TTC39B: variants seen among roughly 807,000 people sequenced by gnomAD.
TTC39B encodes the protein tetratricopeptide repeat protein 39B.
A neutral mutation model predicts 96.6 loss-of-function variants in TTC39B; 92 were observed. The observed-to-expected ratio is 0.95, with a 90% CI of 0.80 to 1.13. The LOEUF (loss-of-function observed/expected upper bound fraction) is 1.13, where lower values mean the gene tolerates loss of function less well. Among genes scored for constraint, TTC39B ranks in the 50% most tolerant of loss-of-function variants. TTC39B has a pLI of 0.00. For missense variants in TTC39B, 955 were observed against 809.3 expected (o/e 1.18, Z -2.18); for synonymous variants, 367 against 299.4 (o/e 1.23, Z -2.33).
At chr9:15,232,143 A>C (rs1821458111) in intron 2 of TTC39B, 1 of 152,514 alleles carries the variant, frequency 6.6e-6, no homozygotes, top group South Asian at 2.1e-4. Flanking sequence ...CTGAAACAAC[A>C]GAGGTCTCAT....
chr9:15,251,706 T>C (rs60655727), intron 2 of TTC39B, among the ~76,000 whole-genome samples: 966 of 68,212 alleles, frequency 0.014, 4 homozygotes, highest in South Asian at 0.046. Flanking sequence ...TATACATATA[T>C]ATATATATAT....
chr9:15,164,233 T>C (rs370822489), exon 20 of TTC39B: 12 of 152,296 alleles, frequency 7.9e-5, no homozygotes, highest in East Asian at 5.8e-4. Flanking sequence ...GAGACTAAAA[T>C]GTAATGAGAA....
intron 2 of TTC39B, among the ~76,000 whole-genome samples, chr9:15,246,198 A>G (rs1353860407): frequency 6.6e-6 from 1 of 152,206 alleles, no homozygotes; most frequent in East Asian, 1.9e-4. Context: ...GGTTGTGGTG[A>G]GCCGAGATCA....
chr9:15,277,470 C>T (rs1041967662), intron 1 of TTC39B, among the ~76,000 whole-genome samples: 2 of 152,186 alleles, frequency 1.3e-5, no homozygotes, highest in African/African-American at 2.4e-5. Context: ...CAATGCCACA[C>T]TGCTCCCTGG....
chr9:15,214,806 G>T (rs1168708116), intron 3 of TTC39B, among the ~76,000 whole-genome samples: 1 of 152,096 alleles, frequency 6.6e-6, no homozygotes, highest in Non-Finnish European at 1.5e-5. Context: ...TATGAGTCAT[G>T]ATTTTATCCT....
intron 1 of TTC39B, among the ~76,000 whole-genome samples, chr9:15,305,682 C>A (rs1018934425): frequency 6.6e-6 from 1 of 150,468 alleles, no homozygotes; most frequent in African/African-American, 2.5e-5. Context: ...CCCTCCTCAT[C>A]GGCTAATGCA....
chr9:15,230,992 A>G (rs1273977961), intron 2 of TTC39B, among the ~76,000 whole-genome samples: 1 of 151,748 alleles, frequency 6.6e-6, no homozygotes, highest in Non-Finnish European at 1.5e-5. Flanking sequence ...CTCAGAAAAA[A>G]AAAAAAACAA....
chr9:15,192,974 G>A (rs1475451459), intron 8 of TTC39B, among the ~76,000 whole-genome samples: 2 of 152,184 alleles, frequency 1.3e-5, no homozygotes, highest in Non-Finnish European at 2.9e-5. Context: ...AGGAGCCGCA[G>A]GACCACAGGC....
At chr9:15,211,917 T>C in intron 4 of TTC39B, among the ~76,000 whole-genome samples, 1 of 152,238 alleles carries the variant, frequency 6.6e-6, no homozygotes, top group Non-Finnish European at 1.5e-5. Context: ...AGACCTTGTA[T>C]CTAGTCTAAT....
intron 1 of TTC39B, among the ~76,000 whole-genome samples, chr9:15,277,549 A>G (rs1005241903): frequency 6.6e-6 from 1 of 152,174 alleles, no homozygotes; most frequent in Non-Finnish European, 1.5e-5. Context: ...CAACATGGTG[A>G]GACCTTGGCC....
intron 4 of TTC39B, among the ~76,000 whole-genome samples, chr9:15,212,511 C>T (rs569441002): frequency 1.5e-4 from 23 of 152,316 alleles, no homozygotes; most frequent in Non-Finnish European, 2.4e-4. Flanking sequence ...CCACAACCTC[C>T]GCCTCCCGGG....
chr9:15,255,334 T>C (rs1822713444), intron 2 of TTC39B, among the ~76,000 whole-genome samples: 1 of 151,976 alleles, frequency 6.6e-6, no homozygotes, highest in Admixed American at 6.6e-5. Flanking sequence ...CAAATATCAC[T>C]ATGCCTTTGA....
intron 2 of TTC39B, among the ~76,000 whole-genome samples, chr9:15,234,417 C>T (rs996591900): frequency 1.4e-5 from 2 of 146,572 alleles, no homozygotes; most frequent in African/African-American, 5.0e-5. Context: ...GGGGGGTCAG[C>T]CCCCCGCCCG....
At chr9:15,214,814 CCT>C (rs1312142557) in intron 3 of TTC39B, among the ~76,000 whole-genome samples, 6 of 152,036 alleles carry the variant, frequency 3.9e-5, no homozygotes, top group Non-Finnish European at 8.8e-5. Context: ...ATGATTTTAT[CCT>C]TTTTTGAAAA....
intron 2 of TTC39B, among the ~76,000 whole-genome samples, chr9:15,258,229 C>T (rs373252415): frequency 1.1e-4 from 16 of 151,872 alleles, no homozygotes; most frequent in South Asian, 4.2e-4. Flanking sequence ...TGTAATAGAG[C>T]GGAGAGAGAG....
chr9:15,225,659 C>T (rs773221464), intron 3 of TTC39B, among the ~76,000 whole-genome samples: 10 of 152,050 alleles, frequency 6.6e-5, no homozygotes, highest in Admixed American at 1.3e-4. Context: ...AAGATAAAAG[C>T]GACTTGAAAG....
At chr9:15,264,377 C>T (rs369992233) in intron 2 of TTC39B, among the ~76,000 whole-genome samples, 4 of 151,992 alleles carry the variant, frequency 2.6e-5, no homozygotes, top group East Asian at 1.9e-4. Context: ...CTAGGCCAGG[C>T]GCAGTGGCTC....
intron 19 of TTC39B, among the ~76,000 whole-genome samples, chr9:15,174,185 A>G (rs1817806296): frequency 6.6e-6 from 1 of 152,198 alleles, no homozygotes; most frequent in Admixed American, 6.5e-5. Flanking sequence ...TTTCTTGTCT[A>G]TTTAGTATCT....
chr9:15,222,505 C>T (rs1024221872), intron 3 of TTC39B, among the ~76,000 whole-genome samples: 14 of 152,190 alleles, frequency 9.2e-5, no homozygotes, highest in Non-Finnish European at 8.8e-5. Context: ...ACCCTCTTCT[C>T]TCAAAAGCCC....
Sources: gnomAD v4.1 joint callset for allele counts (sites outside exome capture counted in the v4.1 genomes callset) on GRCh38, gnomAD v4.1.1 for gene constraint, MANE v1.5 for transcripts, NCBI Gene and HGNC (gene_info 2026-07-23, HGNC 2026-07-21) for gene names.